NF2: variants seen among roughly 807,000 people sequenced by gnomAD.
NF2 encodes merlin.
In NF2, 8 loss-of-function variants were observed where a neutral mutation model predicts 83.7. The observed-to-expected ratio is 0.10, with a 90% CI of 0.06 to 0.17. The LOEUF (loss-of-function observed/expected upper bound fraction) is 0.17, where lower values mean the gene tolerates loss of function less well. NF2 is among the 10% of genes least tolerant of loss of function. NF2 has a pLI of 1.00. For missense variants in NF2, 533 were observed against 744.4 expected (o/e 0.72, Z 3.31); for synonymous variants, 266 against 269.6 (o/e 0.99, Z 0.13).
intron 15 of NF2, among the ~76,000 whole-genome samples, chr22:29,690,856 G>T (rs2147157423): frequency 6.6e-6 from 1 of 152,320 alleles, no homozygotes; most frequent in South Asian, 2.1e-4. Flanking sequence ...TCTGAGCAGG[G>T]CCCTTGGGTT....
At chr22:29,655,064 C>T (rs747615104) in intron 5 of NF2, among the ~76,000 whole-genome samples, 2 of 151,862 alleles carry the variant, frequency 1.3e-5, no homozygotes, top group Non-Finnish European at 2.9e-5. Flanking sequence ...TGGCGAGGGG[C>T]GGATAGAGGA....
Position 29,642,195 on chromosome 22 carries a change from C to T in NF2, c.364-7C>T. 6.2e-7 allele frequency: 1 copy of T among 1,613,130 alleles called. No homozygotes were observed. Reference sequence around the variant, plus strand: ...GAGTATCATGTCTCCCTTGTTGCTCCTTTCAGGTAAAGAAGCAGATTTTAG... The same window carrying T: ...GAGTATCATGTCTCCCTTGTTGCTCTTTTCAGGTAAAGAAGCAGATTTTAG... On this transcript the variant is annotated splice_region_variant and splice_polypyrimidine_tract_variant and intron_variant, in intron 3 of 15. Coordinates refer to ENST00000338641, the MANE Select transcript of NF2 (RefSeq NM_000268.4).
rs2067548058 is a variant in NF2, at chr22:29,696,152, C to T, written c.*1350C>T. On this transcript the variant is annotated 3_prime_UTR_variant, in exon 16 of 16. Transcript: ENST00000338641. ...GTGGTGGCACAATCTCGGCTCACTG[C>T]AACCTCCACCTCCTGAGTTCAAGCA... 4.5e-6 allele frequency: 1 copy of T among 219,980 alleles called. No individual in the cohort carries two copies. The highest frequency in any genetic ancestry group is 9.0e-6 in the Non-Finnish European group (1 of 110,948). The allele number at this position is 219,980 out of a possible 1,614,324, so 13.6% of individuals were successfully genotyped here.
intron 9 of NF2, 99 bp downstream of exon 9, chr22:29,665,163 T>C (rs936227266): frequency 2.2e-5 from 20 of 918,246 alleles, no homozygotes; most frequent in South Asian, 9.7e-5. Flanking sequence ...TTGTGAAGTA[T>C]AGAATGGTAT....
chr22:29,647,035 CAA>C (rs67597134), intron 4 of NF2, among the ~76,000 whole-genome samples: 9 of 116,966 alleles, frequency 7.7e-5, no homozygotes, highest in Admixed American at 1.9e-4. Context: ...GACTCCATCT[CAA>C]AAAAAAAAAA....
At position 29,683,283 on chromosome 22, in the gene NF2, C is replaced by T. The variant is rs925476616; in HGVS notation, c.1737+1682C>T. 19 of 1,457,728 alleles carry T rather than the reference C, an allele frequency of 1.3e-5. No individual in the cohort carries two copies. The African/African-American group carries it at 1.4e-4, about 11-fold the overall frequency. 90.3% of individuals were successfully genotyped at this position (1,457,728 alleles called of 1,614,324 possible). A position where few individuals can be genotyped will look rare whatever the true frequency, so the allele number is the denominator to read the frequency against. On this transcript the variant is annotated intron_variant, in intron 15 of 15. Transcript: ENST00000338641. ...AGGGCCCCAGAAGACTGCCTCGTTCCGAAGAGCATGTCATGGGGCTGTAGG... is the reference window on the plus strand; with the variant it reads ...AGGGCCCCAGAAGACTGCCTCGTTCTGAAGAGCATGTCATGGGGCTGTAGG...
chr22:29,663,762 A>G (rs1241383429), intron 8 of NF2, among the ~76,000 whole-genome samples: 3 of 152,218 alleles, frequency 2.0e-5, no homozygotes, highest in African/African-American at 7.2e-5. Flanking sequence ...TATCTTCCCA[A>G]ACATATTTAT....
intron 15 of NF2, among the ~76,000 whole-genome samples, chr22:29,692,295 C>G (rs1319536104): frequency 6.6e-6 from 1 of 152,200 alleles, no homozygotes; most frequent in African/African-American, 2.4e-5. Flanking sequence ...TGATTTCCCT[C>G]TCTACCTTTA....
intron 10 of NF2, among the ~76,000 whole-genome samples, chr22:29,670,136 C>A (rs990481351): frequency 6.6e-6 from 1 of 151,990 alleles, no homozygotes; most frequent in Admixed American, 6.6e-5. Context: ...GTAGCTGGGA[C>A]TACAAGTGCA....
chr22:29,678,232 A>G lies in NF2; in HGVS notation c.1483A>G (p.Ile495Val), dbSNP rs1194776777. ...AATTCCAGCACCGTTGCCTCCTGAC[A>G]TACCAAGCTTCAACCTCATTGGTGA... ...NPIPAPLPPD[I>V]PSFNLIGDSL... The change falls in exon 14 of 16, where the codon ATA becomes GTA. Residue 495 changes from isoleucine to valine, a missense_variant. By Grantham distance (29) the Ile-to-Val change is conservative (BLOSUM62 3). This residue lies in a region of NF2 where 199 missense variants were observed against 240.7 expected (regional missense o/e 0.83). Coordinates refer to ENST00000338641, the MANE Select transcript of NF2 (RefSeq NM_000268.4). The G allele has an allele frequency of 1.9e-6, 3 of 1,614,172 alleles. No homozygotes were observed. The highest frequency in any genetic ancestry group is 1.7e-6 in the Non-Finnish European group (2 of 1,180,008).
At chr22:29,682,345 G>A (rs976332547) in intron 15 of NF2, among the ~76,000 whole-genome samples, 4 of 152,166 alleles carry the variant, frequency 2.6e-5, no homozygotes, top group African/African-American at 9.7e-5. Flanking sequence ...AGGTGATACT[G>A]ATACAGTTAA....
intron 9 of NF2, among the ~76,000 whole-genome samples, chr22:29,665,731 G>T (rs1282012741): frequency 6.7e-6 from 1 of 149,124 alleles, no homozygotes; most frequent in East Asian, 2.0e-4. Flanking sequence ...TTGGGTGGCC[G>T]AGACGGGTGG....
At chr22:29,627,724 A>T (rs1311560627) in intron 1 of NF2, among the ~76,000 whole-genome samples, 1 of 152,116 alleles carries the variant, frequency 6.6e-6, no homozygotes, top group Non-Finnish European at 1.5e-5. Flanking sequence ...CCCCTAAAAA[A>T]CTGTAATTCA....
At chr22:29,634,099 G>A (rs754992210) in intron 1 of NF2, among the ~76,000 whole-genome samples, 2 of 152,200 alleles carry the variant, frequency 1.3e-5, no homozygotes, top group Admixed American at 6.5e-5. Context: ...TAGGGTCTGC[G>A]GTTTGCCTAT....
intron 1 of NF2, among the ~76,000 whole-genome samples, chr22:29,606,784 G>A (rs753718376): frequency 6.6e-6 from 1 of 152,176 alleles, no homozygotes; most frequent in Non-Finnish European, 1.5e-5. Context: ...GGTGGCTCAC[G>A]CCTGTAATCC....
At chr22:29,605,415 G>A (rs1181285052) in intron 1 of NF2, among the ~76,000 whole-genome samples, 2 of 152,020 alleles carry the variant, frequency 1.3e-5, no homozygotes, top group Non-Finnish European at 1.5e-5. Context: ...AGCCGACCTG[G>A]GCCTCCCAAA....
At chr22:29,680,112 G>A (rs1273434154) in intron 14 of NF2, among the ~76,000 whole-genome samples, 1 of 150,596 alleles carries the variant, frequency 6.6e-6, no homozygotes, top group Non-Finnish European at 1.5e-5. Flanking sequence ...CCCACCTCCT[G>A]ACACTTTTTT....
intron 1 of NF2, among the ~76,000 whole-genome samples, chr22:29,606,871 C>A (rs535850397): frequency 1.6e-4 from 25 of 152,116 alleles, no homozygotes; most frequent in Non-Finnish European, 3.4e-4. Context: ...TATGGTGAAC[C>A]CCATCTCTAC....
Position 29,694,942 on chromosome 22 carries a change from A to G in NF2, c.*140A>G, listed in dbSNP as rs1046700956. 3.8e-5 allele frequency: 32 copies of G among 835,642 alleles called. No homozygotes were observed. Among genetic ancestry groups the G allele is most frequent in the Non-Finnish European group, 6.0e-5 (30 of 502,276 alleles). 51.8% of individuals were successfully genotyped at this position (835,642 alleles called of 1,614,324 possible). A position where few individuals can be genotyped will look rare whatever the true frequency, so the allele number is the denominator to read the frequency against. On this transcript the variant is annotated 3_prime_UTR_variant, in exon 16 of 16. Transcript: ENST00000338641. This position sits in a 1 kb window ranked among gnomAD's most constrained non-coding sequence, Gnocchi z 4.1. ...TCCAGAACTTTCCCCAGCTGAGTGA[A>G]GAGCCCAGCCCCTCTTATGTGCAAT...
Sources: gnomAD v4.1 joint callset for allele counts (sites outside exome capture counted in the v4.1 genomes callset) on GRCh38, gnomAD v4.1.1 for gene constraint, gnomAD v4.1.1 regional missense constraint, Gnocchi (gnomAD v3.1) non-coding constraint, MANE v1.5 for transcripts, NCBI Gene and HGNC (gene_info 2026-07-23, HGNC 2026-07-21) for gene names.